The following TAMM41 variants were observed in gnomAD, a reference collection of about 807,000 sequenced individuals.
The protein encoded by TAMM41 is phosphatidate cytidylyltransferase, mitochondrial.
A neutral mutation model predicts 44.1 loss-of-function variants in TAMM41; 36 were observed. The observed-to-expected ratio is 0.82, with a 90% CI of 0.63 to 1.08. The LOEUF is 1.08. Ranked by LOEUF, TAMM41 falls within the 50% of genes least tolerant of loss-of-function variation. The probability of loss-of-function intolerance (pLI) is 0.00; values close to 1 mark genes in which losing one functional copy is unlikely to be tolerated. For synonymous variants in TAMM41, 164 were observed against 153.1 expected, an observed-to-expected ratio of 1.07 and a Z score of -0.53; for missense variants, 417 against 404.3, an observed-to-expected ratio of 1.03 and a Z score of -0.27.
chr3:11,761,276 T>C, the TAMM41 span, among the ~76,000 whole-genome samples: 6 of 152,204 alleles, frequency 3.9e-5, no homozygotes, highest in Non-Finnish European at 8.8e-5. Context: ...CTTATTATCA[T>C]TGATTTTCCT....
Position 11,840,670 on chromosome 3 carries a change from G to A in TAMM41, c.319-1356C>T, listed in dbSNP as rs1035339501. Among the ~76,000 whole-genome samples the A allele has an allele frequency of 2.0e-5, 3 of 151,910 alleles. No individual in the cohort carries two copies. In the South Asian group the frequency reaches 6.2e-4, roughly 32 times the overall value. The stretch of plus-strand genomic sequence containing the variant: ...GTCCATGTGATGTTAAAGGTGGAAT[G>A]GCTCTTAGATGCTATCTAGTATTGG... On this transcript the variant is annotated intron_variant, in intron 2 of 7. Transcript: ENST00000455809.
the TAMM41 span, among the ~76,000 whole-genome samples, chr3:11,760,752 G>A: frequency 6.6e-6 from 1 of 151,858 alleles, no homozygotes; most frequent in Non-Finnish European, 1.5e-5. Flanking sequence ...GTAGGGATGG[G>A]GTTTCACCAT....
At chr3:11,800,607 A>G (rs778217927) in intron 7 of TAMM41, among the ~76,000 whole-genome samples, 42 of 152,120 alleles carry the variant, frequency 2.8e-4, no homozygotes, top group Non-Finnish European at 5.6e-4. Context: ...CAGTTCACCA[A>G]AAGGGTACAG....
At chr3:11,764,486 CTTTTT>C in the TAMM41 span, among the ~76,000 whole-genome samples, 187 of 68,128 alleles carry the variant, frequency 2.7e-3, 1 homozygote, top group African/African-American at 9.7e-3. Context: ...TAATCTTATT[CTTTTT>C]TTTTTTTTTT....
the TAMM41 span, among the ~76,000 whole-genome samples, chr3:11,784,739 T>A: frequency 3.3e-5 from 5 of 152,052 alleles, no homozygotes; most frequent in East Asian, 9.7e-4. Context: ...ATACAGTAAC[T>A]GTAGGGACTT....
At chr3:11,794,568 C>T (rs974296134) in intron 7 of TAMM41, among the ~76,000 whole-genome samples, 2 of 152,198 alleles carry the variant, frequency 1.3e-5, no homozygotes, top group African/African-American at 4.8e-5. Flanking sequence ...TTACCTAAAG[C>T]TAGTCATTAT....
chr3:11,829,260 AC>A (rs1240541846), intron 4 of TAMM41, among the ~76,000 whole-genome samples: 1 of 152,166 alleles, frequency 6.6e-6, no homozygotes, highest in African/African-American at 2.4e-5. Flanking sequence ...CCTACCTCAA[AC>A]CTATTAAATC....
chr3:11,843,342 T>G (rs1214843370), intron 2 of TAMM41, among the ~76,000 whole-genome samples: 1 of 152,222 alleles, frequency 6.6e-6, no homozygotes, highest in Non-Finnish European at 1.5e-5. Flanking sequence ...ATCAGAACTC[T>G]GGGGGTGGGG....
chr3:11,818,793 G>GACGCT, intron 4 of TAMM41, among the ~76,000 whole-genome samples: 1 of 150,412 alleles, frequency 6.6e-6, no homozygotes, highest in South Asian at 2.1e-4. Context: ...AGCTACTTGG[G>GACGCT]GGGGGGCCGC....
At chr3:11,844,304 G>T in intron 1 of TAMM41, 93 bp from the exon 2 acceptor site, 2 of 1,224,724 alleles carry the variant, frequency 1.6e-6, no homozygotes, top group South Asian at 1.5e-5. Context: ...ACGCAATTAT[G>T]ATCAATAGTC....
the TAMM41 span, among the ~76,000 whole-genome samples, chr3:11,752,334 A>G: frequency 2.0e-5 from 3 of 152,148 alleles, no homozygotes; most frequent in Non-Finnish European, 4.4e-5. Flanking sequence ...CTTCCACAGC[A>G]TGGAAGGGGA....
the TAMM41 span, among the ~76,000 whole-genome samples, chr3:11,765,747 G>T: frequency 6.6e-6 from 1 of 151,000 alleles, no homozygotes; most frequent in South Asian, 2.1e-4. Context: ...TGTCGCCCAG[G>T]CTGGAGTGCA....
the TAMM41 span, among the ~76,000 whole-genome samples, chr3:11,770,202 C>T: frequency 4.6e-5 from 7 of 152,172 alleles, no homozygotes; most frequent in Non-Finnish European, 1.0e-4. Context: ...ACTCTGTCTC[C>T]GTCTCTTCTG....
intron 7 of TAMM41, among the ~76,000 whole-genome samples, chr3:11,793,152 C>T (rs963913899): frequency 5.3e-5 from 8 of 151,398 alleles, no homozygotes; most frequent in African/African-American, 1.9e-4. Context: ...TGGAGTTGTG[C>T]CCCGACTACA....
intron 7 of TAMM41, among the ~76,000 whole-genome samples, chr3:11,798,492 A>C (rs35699276): frequency 0.57 from 86,762 of 151,876 alleles, 26,801 homozygotes; most frequent in African/African-American, 0.79. Context: ...ACACTGGGGC[A>C]TACTGATGGG....
chr3:11,846,858 GC>G lies in TAMM41; in HGVS notation c.-223del, dbSNP rs1156494551. 3.5e-6 allele frequency: 2 copies of G among 568,772 alleles called. No individual in the cohort carries two copies. Among genetic ancestry groups the G allele is most frequent in the African/African-American group, 3.8e-5 (2 of 52,976 alleles). 35.2% of individuals were successfully genotyped at this position (568,772 alleles called of 1,614,324 possible). On this transcript the variant is annotated 5_prime_UTR_variant, in exon 1 of 8. Coordinates refer to ENST00000455809, the MANE Select transcript of TAMM41 (RefSeq NM_001284401.2). Reference sequence around the variant, plus strand: ...ACGCAGCCCAGATAGGCTCGGGTGGGCGGCGGTCGCACAGGCAGAGCTTCCG... The same window carrying G: ...ACGCAGCCCAGATAGGCTCGGGTGGGGGCGGTCGCACAGGCAGAGCTTCCG...
At chr3:11,841,782 G>A (rs935668656) in intron 2 of TAMM41, among the ~76,000 whole-genome samples, 2 of 152,190 alleles carry the variant, frequency 1.3e-5, no homozygotes, top group South Asian at 2.1e-4. Context: ...CTGCAGGCAA[G>A]TAACCACTGG....
At chr3:11,781,736 AAATAATAAT>A in the TAMM41 span, among the ~76,000 whole-genome samples, 248 of 123,068 alleles carry the variant, frequency 2.0e-3, no homozygotes, top group Middle Eastern at 7.5e-3. Flanking sequence ...CTCCATCTCA[AAATAATAAT>A]AATAATAATA....
At chr3:11,822,568 G>C (rs190616717) in intron 4 of TAMM41, among the ~76,000 whole-genome samples, 261 of 152,328 alleles carry the variant, frequency 1.7e-3, no homozygotes, top group Non-Finnish European at 2.9e-3. Context: ...AGACAATGGA[G>C]ATCCAGGTTG....
Sources: allele counts gnomAD v4.1 joint callset (sites outside exome capture counted in the v4.1 genomes callset), GRCh38; gene constraint gnomAD v4.1.1; transcripts MANE v1.5; gene names NCBI Gene and HGNC (gene_info 2026-07-23, HGNC 2026-07-21).